The following SLC37A3 variants were observed in gnomAD, a reference collection of about 807,000 sequenced individuals.
The protein encoded by SLC37A3 is solute carrier family 37 member 3.
Under a neutral mutation model 67.1 loss-of-function variants are expected in SLC37A3, and 51 were observed. The observed-to-expected ratio is 0.76, with a 90% confidence interval of 0.61 to 0.96. The LOEUF is 0.96. SLC37A3 is among the 40% of genes least tolerant of loss of function. SLC37A3 has a pLI of 0.00. For missense variants in SLC37A3, 508 were observed against 603.0 expected, an observed-to-expected ratio of 0.84 and a Z score of 1.65; for synonymous variants, 214 against 231.4, an observed-to-expected ratio of 0.92 and a Z score of 0.68.
At chr7:140,378,706 C>T (rs1487104290) in intron 3 of SLC37A3, among the ~76,000 whole-genome samples, 1 of 140,472 alleles carries the variant, frequency 7.1e-6, no homozygotes, top group Non-Finnish European at 1.5e-5. Flanking sequence ...CACCGCACTC[C>T]AGCCTGGCGA....
intron 4 of SLC37A3, among the ~76,000 whole-genome samples, chr7:140,366,011 C>G (rs987318599): frequency 1.5e-5 from 2 of 135,820 alleles, no homozygotes; most frequent in Admixed American, 8.6e-5. Context: ...GATCTTGGCT[C>G]ACTGCAGCCT....
chr7:140,351,159 TA>T, intron 9 of SLC37A3, 113 bp downstream of exon 9: 2 of 1,064,512 alleles, frequency 1.9e-6, no homozygotes, highest in Non-Finnish European at 2.7e-6. Context: ...CGTATATTCC[TA>T]AAATAAAGTA....
rs186900842 is a variant in SLC37A3, at chr7:140,387,943, G to A, written c.-70-5347C>T. 1.8e-4 allele frequency among the ~76,000 whole-genome samples: 25 copies of A among 138,296 alleles called. 1 individual carries two copies. Among genetic ancestry groups the A allele is most frequent in the African/African-American group, 4.9e-4 (18 of 36,752 alleles). 90.7% of individuals were successfully genotyped at this position (138,296 alleles called of 152,430 possible). On this transcript the variant is annotated intron_variant, in intron 1 of 14. Coordinates refer to ENST00000326232, the MANE Select transcript of SLC37A3 (RefSeq NM_207113.3). ...CTGGGAGTTAGAGGCTCAGTGAGCC[G>A]TGATTGTGCCACTGCACTCCAGCCT...
chr7:140,360,490 T>C (rs1022790351), intron 5 of SLC37A3, among the ~76,000 whole-genome samples: 1 of 152,038 alleles, frequency 6.6e-6, no homozygotes, highest in Non-Finnish European at 1.5e-5. Context: ...TCCCAGCACT[T>C]TGGGAGGCTG....
chr7:140,355,875 C>T, intron 6 of SLC37A3, 111 bp from the exon 7 acceptor site: 1 of 857,332 alleles, frequency 1.2e-6, no homozygotes, highest in Non-Finnish European at 1.9e-6. Flanking sequence ...CAAGACTAAA[C>T]ATGCTATTTA....
intron 10 of SLC37A3, among the ~76,000 whole-genome samples, chr7:140,347,943 C>T (rs1328138555): frequency 6.6e-6 from 1 of 152,182 alleles, no homozygotes; most frequent in African/African-American, 2.4e-5. Context: ...AAACCACAGA[C>T]AGTACCAAAC....
intron 12 of SLC37A3, 88 bp from the exon 13 acceptor site, chr7:140,343,651 T>C: frequency 7.3e-7 from 1 of 1,379,164 alleles, no homozygotes; most frequent in South Asian, 1.3e-5. Flanking sequence ...CGAATAGTTT[T>C]CTTAATATGT....
intron 6 of SLC37A3, 134 bp downstream of exon 6, chr7:140,358,506 T>G (rs1016770012): frequency 4.0e-6 from 5 of 1,254,644 alleles, no homozygotes; most frequent in Non-Finnish European, 5.6e-6. Flanking sequence ...CCTCTCTCCC[T>G]GAACAACTCT....
chr7:140,371,914 C>T (rs1469106551), intron 3 of SLC37A3, among the ~76,000 whole-genome samples: 1 of 151,942 alleles, frequency 6.6e-6, no homozygotes, highest in African/African-American at 2.4e-5. Flanking sequence ...TGCAATGGCA[C>T]GATCTTGGCT....
intron 4 of SLC37A3, among the ~76,000 whole-genome samples, chr7:140,368,874 T>G (rs1415393640): frequency 6.6e-6 from 1 of 152,124 alleles, no homozygotes; most frequent in Non-Finnish European, 1.5e-5. Context: ...CGCTAAAATC[T>G]ACTTCCCCCC....
rs1436405429 is a variant in SLC37A3 at position 140,358,743 on chromosome 7, T to G, written c.418A>C (p.Asn140His). ...GALTEWLRFY[N>H]KWLYCCLWIV... The stretch of plus-strand genomic sequence containing the variant: ...CACAGGCAGCAGTACAGCCATTTGT[T>G]GTAGAAACGCAGCCATTCTGTGAGC... The change falls in exon 6 of 15, where the codon AAC (asparagine) becomes CAC (histidine). Residue 140 changes from asparagine (N) to histidine (H), a missense_variant. Coordinates refer to ENST00000326232, the MANE Select transcript of SLC37A3 (RefSeq NM_207113.3). 5.0e-6 allele frequency: 8 copies of G among 1,614,102 alleles called. No individual in the cohort carries two copies. The highest frequency in any genetic ancestry group is 6.8e-6 in the Non-Finnish European group (8 of 1,180,034).
In SLC37A3 at chr7:140,335,217, C is replaced by T. The variant is rs1490425993; in HGVS notation, c.*195G>A. 49 of 1,601,894 alleles carry T rather than the reference C, an allele frequency of 3.1e-5. No individual in the cohort carries two copies. Among genetic ancestry groups the T allele is most frequent in the Non-Finnish European group, 4.2e-5 (49 of 1,171,424 alleles). On this transcript the variant is annotated 3_prime_UTR_variant, in exon 15 of 15. Coordinates refer to ENST00000326232, the MANE Select transcript of SLC37A3 (RefSeq NM_207113.3). ...ATGAAACAACAGCAAAAATCATCAA[C>T]AGTAATTCCTGTAGTGTAGAAAACT...
intron 13 of SLC37A3, among the ~76,000 whole-genome samples, chr7:140,340,942 A>G (rs576264297): frequency 7.7e-6 from 1 of 130,164 alleles, no homozygotes; most frequent in South Asian, 2.3e-4. Context: ...AAAAAAAAAA[A>G]ATAGAGAGAG....
At chr7:140,362,475 G>A (rs1235065012) in intron 5 of SLC37A3, among the ~76,000 whole-genome samples, 7 of 143,572 alleles carry the variant, frequency 4.9e-5, no homozygotes, top group East Asian at 4.4e-4. Context: ...GGTGAGGGGC[G>A]CCTCTGCCCG....
intron 5 of SLC37A3, among the ~76,000 whole-genome samples, chr7:140,360,732 TAAAA>T (rs10631882): frequency 0.14 from 19,371 of 137,268 alleles, 1,523 homozygotes; most frequent in African/African-American, 0.22. Context: ...AGACTCCGTT[TAAAA>T]AAAAAAAAAA....
At chr7:140,377,032 C>T (rs1290778161) in intron 3 of SLC37A3, among the ~76,000 whole-genome samples, 1 of 151,244 alleles carries the variant, frequency 6.6e-6, no homozygotes, top group Non-Finnish European at 1.5e-5. Context: ...CAAACTCCAC[C>T]TCCTAGGTTC....
rs1326733725 is a variant in SLC37A3, at chr7:140,364,408, C to CGT, written c.374_375insAC (p.Val126ArgfsTer26). 1 of 1,612,938 alleles carries CGT rather than the reference C, an allele frequency of 6.2e-7. No homozygotes were observed. The highest frequency in any genetic ancestry group is 2.2e-5 in the East Asian group (1 of 44,866). ...ATAATAATAAGACCTTTCAACTTACCACTAATGCAGAAGAGCACATGCCAA... is the reference window on the plus strand; with the variant it reads ...ATAATAATAAGACCTTTCAACTTACCGTACTAATGCAGAAGAGCACATGCCAA... On this transcript the variant is annotated frameshift_variant and splice_region_variant, in exon 5 of 15. Coordinates refer to ENST00000326232, the MANE Select transcript of SLC37A3 (RefSeq NM_207113.3). LOFTEE classifies it high-confidence loss of function.
rs113609456 is a variant in SLC37A3 at position 140,339,944 on chromosome 7, T to C, written c.1327-2595A>G. On this transcript the variant is annotated intron_variant, in intron 13 of 14. Coordinates refer to ENST00000326232, the MANE Select transcript of SLC37A3 (RefSeq NM_207113.3). The stretch of plus-strand genomic sequence containing the variant: ...TAGTAGAGACGGGGTTTCACCGTGT[T>C]AGCCAGGAGGGTCTCCATCTCCTGA... Among the ~76,000 whole-genome samples, 1,246 of 152,028 alleles carry C rather than the reference T, an allele frequency of 8.2e-3. 20 individuals are homozygous for C. Among genetic ancestry groups the C allele is most frequent in the African/African-American group, 0.028 (1,168 of 41,474 alleles).
At chr7:140,383,970 G>C (rs1798351650) in intron 1 of SLC37A3, among the ~76,000 whole-genome samples, 1 of 152,174 alleles carries the variant, frequency 6.6e-6, no homozygotes, top group Admixed American at 6.5e-5. Flanking sequence ...AAGGCACTGT[G>C]CCTGGCCCCA....
Sources: allele counts gnomAD v4.1 joint callset (sites outside exome capture counted in the v4.1 genomes callset), GRCh38; gene constraint gnomAD v4.1.1; transcripts MANE v1.5; gene names NCBI Gene and HGNC (gene_info 2026-07-23, HGNC 2026-07-21).